Variants in TBC1D32 observed in about 807,000 individuals in gnomAD.
TBC1D32 encodes the protein TBC1 domain family member 32, also known as protein broad-minded.
Under a neutral mutation model 170.3 loss-of-function variants are expected in TBC1D32, and 151 were observed. That is an observed-to-expected ratio of 0.89 (90% CI 0.78 to 1.01). TBC1D32 has a LOEUF of 1.01. Among genes scored for constraint, TBC1D32 ranks in the 50% least tolerant of loss-of-function variants. The probability of loss-of-function intolerance (pLI) is 0.00; values close to 1 mark genes in which losing one functional copy is unlikely to be tolerated. For synonymous variants in TBC1D32, 498 were observed against 488.0 expected (o/e 1.02, Z -0.27); for missense variants, 1,464 against 1,457.1 (o/e 1.00, Z -0.08).
intron 22 of TBC1D32, among the ~76,000 whole-genome samples, chr6:121,197,566 A>G (rs1304167038): frequency 6.6e-6 from 1 of 152,202 alleles, no homozygotes; most frequent in Non-Finnish European, 1.5e-5. Flanking sequence ...ATGTGACATA[A>G]GATTTATTGA....
intron 3 of TBC1D32, among the ~76,000 whole-genome samples, chr6:121,312,688 A>T (rs1267589910): frequency 1.3e-5 from 2 of 152,334 alleles, no homozygotes; most frequent in East Asian, 3.9e-4. Flanking sequence ...ACACATAGCA[A>T]TATATGCTAT....
intron 15 of TBC1D32, among the ~76,000 whole-genome samples, chr6:121,273,969 G>A (rs1017438750): frequency 3.9e-5 from 6 of 152,068 alleles, no homozygotes; most frequent in African/African-American, 1.4e-4. Flanking sequence ...AGCCTACTCT[G>A]GTTGAGGAGG....
In TBC1D32 at chr6:121,159,918, C is replaced by A. The variant is rs1292544813; in HGVS notation, c.2773+92G>T. The A allele has an allele frequency of 3.6e-6, 3 of 831,952 alleles. No homozygotes were observed. The African/African-American group carries it at 5.1e-5, about 14-fold the overall frequency. 51.5% of individuals were successfully genotyped at this position (831,952 alleles called of 1,614,324 possible). A position where few individuals can be genotyped will look rare whatever the true frequency, so the allele number is the denominator to read the frequency against. On this transcript the variant is annotated intron_variant, in intron 24 of 31. Coordinates refer to ENST00000398212, the MANE Select transcript of TBC1D32 (RefSeq NM_152730.6). ...TGCACACATGTATACATGCTAAATG[C>A]AGTCAATATTCATCTTCCTTAATAT...
intron 17 of TBC1D32, among the ~76,000 whole-genome samples, 190 bp downstream of exon 17, chr6:121,255,138 T>C (rs963409535): frequency 6.6e-6 from 1 of 151,976 alleles, no homozygotes; most frequent in Non-Finnish European, 1.5e-5. Context: ...ATAAATATTG[T>C]TAGATTTTAA....
intron 30 of TBC1D32, among the ~76,000 whole-genome samples, chr6:121,091,727 A>G (rs1388554255): frequency 2.0e-5 from 3 of 152,166 alleles, no homozygotes; most frequent in Admixed American, 6.5e-5. Flanking sequence ...ATTTTGATAC[A>G]TCAATGTTAT....
At chr6:121,157,213 T>C (rs1014338651) in intron 24 of TBC1D32, among the ~76,000 whole-genome samples, 7 of 152,178 alleles carry the variant, frequency 4.6e-5, no homozygotes, top group Admixed American at 1.3e-4. Context: ...CATACATATG[T>C]AGGATAGCTA....
At chr6:121,083,779 T>G (rs945254237) in intron 31 of TBC1D32, among the ~76,000 whole-genome samples, 12 of 152,154 alleles carry the variant, frequency 7.9e-5, no homozygotes, top group Non-Finnish European at 1.3e-4. Flanking sequence ...GGTAAGTTTA[T>G]TGACTCTAAG....
chr6:121,325,647 G>T (rs768919706), intron 1 of TBC1D32, among the ~76,000 whole-genome samples: 8 of 152,118 alleles, frequency 5.3e-5, no homozygotes, highest in Admixed American at 5.2e-4. Context: ...AGACTTAAAC[G>T]TAAGACCTAA....
rs1484757394 is a variant in TBC1D32 at position 121,290,754 on chromosome 6, T to C, written c.1372+1299A>G. On this transcript the variant is annotated intron_variant, in intron 12 of 31. Coordinates refer to ENST00000398212, the MANE Select transcript of TBC1D32 (RefSeq NM_152730.6). Reference sequence around the variant, plus strand: ...AGCAAAGACTTGGAACCAACCCAAATGTCCAACAATGATAGACTGGATTAA... The same window carrying C: ...AGCAAAGACTTGGAACCAACCCAAACGTCCAACAATGATAGACTGGATTAA... 4.0e-5 allele frequency among the ~76,000 whole-genome samples: 6 copies of C among 151,888 alleles called. No individual in the cohort carries two copies. The East Asian group carries it at 1.2e-3, about 30-fold the overall frequency.
At position 121,160,001 on chromosome 6, in the gene TBC1D32, A is replaced by G; in HGVS notation, c.2773+9T>C. 6.5e-7 allele frequency: 1 copy of G among 1,548,806 alleles called. No individual in the cohort carries two copies. Among genetic ancestry groups the G allele is most frequent in the Non-Finnish European group, 8.9e-7 (1 of 1,126,648 alleles). On this transcript the variant is annotated intron_variant, in intron 24 of 31. Coordinates refer to ENST00000398212, the MANE Select transcript of TBC1D32 (RefSeq NM_152730.6). ...AAAATAATATGGCATTTGATGGTAAATATTTTACCTTGTTTTATACCAGCA... is the reference window on the plus strand; with the variant it reads ...AAAATAATATGGCATTTGATGGTAAGTATTTTACCTTGTTTTATACCAGCA...
chr6:121,281,248 C>A (rs1422077849), intron 14 of TBC1D32, among the ~76,000 whole-genome samples: 1 of 151,442 alleles, frequency 6.6e-6, no homozygotes, highest in Non-Finnish European at 1.5e-5. Flanking sequence ...ATTAGATTTG[C>A]AAAACAAATA....
At chr6:121,118,073 C>T (rs1562536749) in intron 26 of TBC1D32, among the ~76,000 whole-genome samples, 1 of 152,184 alleles carries the variant, frequency 6.6e-6, no homozygotes, top group African/African-American at 2.4e-5. Flanking sequence ...ATACATAACA[C>T]ATACTTAATA....
intron 17 of TBC1D32, among the ~76,000 whole-genome samples, chr6:121,253,511 G>A (rs1198793659): frequency 6.6e-6 from 1 of 152,156 alleles, no homozygotes; most frequent in Admixed American, 6.5e-5. Flanking sequence ...GAGGTCAGAA[G>A]ATCAAGACCA....
chr6:121,220,793 A>G (rs1436735701), intron 21 of TBC1D32, among the ~76,000 whole-genome samples: 1 of 151,652 alleles, frequency 6.6e-6, no homozygotes, highest in Non-Finnish European at 1.5e-5. Flanking sequence ...GACATGCGCC[A>G]CCACGTCCAG....
intron 26 of TBC1D32, among the ~76,000 whole-genome samples, chr6:121,125,286 G>A (rs991936764): frequency 4.6e-5 from 7 of 152,126 alleles, no homozygotes; most frequent in South Asian, 4.1e-4. Flanking sequence ...GCCTGAGATT[G>A]ACATAGCTTT....
chr6:121,178,797 G>A (rs905016157), intron 22 of TBC1D32, among the ~76,000 whole-genome samples: 2 of 152,190 alleles, frequency 1.3e-5, no homozygotes, highest in Non-Finnish European at 1.5e-5. Flanking sequence ...ATAGACAGCT[G>A]TAAGAAAGGA....
intron 21 of TBC1D32, among the ~76,000 whole-genome samples, chr6:121,216,452 T>G (rs915901154): frequency 6.6e-6 from 1 of 152,206 alleles, no homozygotes. Context: ...CAGATTTTGG[T>G]ACCAGGAGTA....
chr6:121,114,000 C>A (rs1779450649), intron 27 of TBC1D32, among the ~76,000 whole-genome samples: 2 of 152,024 alleles, frequency 1.3e-5, no homozygotes, highest in South Asian at 4.1e-4. Flanking sequence ...ATGGTGAAAA[C>A]CCATCTCTGC....
intron 24 of TBC1D32, among the ~76,000 whole-genome samples, chr6:121,156,087 G>A (rs1204476462): frequency 7.9e-5 from 12 of 151,030 alleles, no homozygotes; most frequent in Non-Finnish European, 3.0e-5. Flanking sequence ...CATAAGGATT[G>A]CTATCAGTTC....
Sources: allele counts gnomAD v4.1 joint callset (sites outside exome capture counted in the v4.1 genomes callset), GRCh38; gene constraint gnomAD v4.1.1; transcripts MANE v1.5; gene names NCBI Gene and HGNC (gene_info 2026-07-23, HGNC 2026-07-21).